ECRG4: variants seen among roughly 807,000 people sequenced by gnomAD.
The protein encoded by ECRG4 is augurin.
ECRG4 carries 18 observed loss-of-function variants against 15.8 expected under a neutral mutation model. The observed-to-expected ratio is 1.14, with a 90% CI of 0.79 to 1.69. ECRG4 has a LOEUF of 1.69. Among genes scored for constraint, ECRG4 ranks in the 40% most tolerant of loss-of-function variants. ECRG4 has a pLI of 0.00. For missense variants in ECRG4, 200 were observed against 190.9 expected (o/e 1.05, Z -0.28); for synonymous variants, 82 against 73.9 (o/e 1.11, Z -0.56).
intron 3 of ECRG4, among the ~76,000 whole-genome samples, chr2:106,076,605 G>A (rs1676492176): frequency 6.6e-6 from 1 of 152,142 alleles, no homozygotes; most frequent in African/African-American, 2.4e-5. Flanking sequence ...ACAGACACGG[G>A]CTAGGCTGGG....
At chr2:106,075,155 T>C (rs1304239054) in intron 3 of ECRG4, among the ~76,000 whole-genome samples, 1 of 152,212 alleles carries the variant, frequency 6.6e-6, no homozygotes, top group Non-Finnish European at 1.5e-5. Context: ...TTTGCATCTC[T>C]GTACAGTTTG....
At chr2:106,071,383 A>T (rs11884811) in intron 1 of ECRG4, among the ~76,000 whole-genome samples, 36,847 of 148,292 alleles carry the variant, frequency 0.25, 4,691 homozygotes, top group Non-Finnish European at 0.3. Flanking sequence ...AAATAAAAAA[A>T]AAATAAAAAT....
intron 3 of ECRG4, among the ~76,000 whole-genome samples, chr2:106,076,867 C>G (rs1239289518): frequency 1.3e-5 from 2 of 152,158 alleles, no homozygotes; most frequent in African/African-American, 4.8e-5. Flanking sequence ...CCTTTTTGCT[C>G]TCACACTAAA....
intron 2 of ECRG4, 93 bp downstream of exon 2, chr2:106,071,984 G>A (rs1425688536): frequency 2.7e-6 from 3 of 1,124,352 alleles, no homozygotes; most frequent in Non-Finnish European, 2.7e-6. Context: ...CTTGTATTTG[G>A]AAAATCAAAA....
At chr2:106,074,996 T>C (rs1302808026) in intron 3 of ECRG4, among the ~76,000 whole-genome samples, 2 of 152,206 alleles carry the variant, frequency 1.3e-5, no homozygotes, top group African/African-American at 4.8e-5. Flanking sequence ...ATATTACTTG[T>C]TCCCTAAGTG....
chr2:106,073,069 A>T (rs1676406343), intron 2 of ECRG4, among the ~76,000 whole-genome samples: 1 of 152,206 alleles, frequency 6.6e-6, no homozygotes, highest in Admixed American at 6.5e-5. Context: ...CCAGGCCTGC[A>T]TTTCCATGAT....
chr2:106,068,702 G>A (rs1676276088), intron 1 of ECRG4, among the ~76,000 whole-genome samples: 1 of 152,204 alleles, frequency 6.6e-6, no homozygotes, highest in Non-Finnish European at 1.5e-5. Context: ...AATTCTGTAT[G>A]TACTACCCTG....
At position 106,071,322 on chromosome 2, in the gene ECRG4, T is replaced by TAAAAAAAAAAA. The variant is rs10649647; in HGVS notation, c.80-502_80-492dup. 2.8e-3 allele frequency among the ~76,000 whole-genome samples: 219 copies of TAAAAAAAAAAA among 78,298 alleles called. 5 individuals are homozygous for TAAAAAAAAAAA. Among genetic ancestry groups the TAAAAAAAAAAA allele is most frequent in the African/African-American group, 7.6e-3 (128 of 16,840 alleles). 51.4% of individuals were successfully genotyped at this position (78,298 alleles called of 152,430 possible). On this transcript the variant is annotated intron_variant, in intron 1 of 3. Coordinates refer to ENST00000238044, the MANE Select transcript of ECRG4 (RefSeq NM_032411.3). The stretch of plus-strand genomic sequence containing the variant: ...ACCCTCTCAGTGATGGGTAAGGCTG[T>TAAAAAAAAAAA]AAAAAAAAAAAAAAAAAAAAAAAAA...
At position 106,065,762 on chromosome 2, in the gene ECRG4, G is replaced by T. The variant is rs1452418485; in HGVS notation, c.-3G>T. On this transcript the variant is annotated 5_prime_UTR_variant, in exon 1 of 4. Coordinates refer to ENST00000238044, the MANE Select transcript of ECRG4 (RefSeq NM_032411.3). The stretch of plus-strand genomic sequence containing the variant: ...CTCGCCCTCCTGCTCGCGCCCCGCC[G>T]CCATGGCTGCCTCCCCCGCGCGGCC... 6.8e-7 allele frequency: 1 copy of T among 1,479,366 alleles called. No individual in the cohort carries two copies. The highest frequency in any genetic ancestry group is 1.3e-5 in the South Asian group (1 of 77,572). The allele number at this position is 1,479,366 out of a possible 1,614,324, so 91.6% of individuals were successfully genotyped here.
chr2:106,076,834 C>G (rs1676496836), intron 3 of ECRG4, among the ~76,000 whole-genome samples: 1 of 152,176 alleles, frequency 6.6e-6, no homozygotes, highest in Non-Finnish European at 1.5e-5. Context: ...ACCCGTTCAC[C>G]CAGCCCATCT....
At chr2:106,069,531 C>T (rs2104792691) in intron 1 of ECRG4, among the ~76,000 whole-genome samples, 1 of 152,222 alleles carries the variant, frequency 6.6e-6, no homozygotes. Context: ...GACGGGGTTT[C>T]ACCAAGTTGA....
In ECRG4 at chr2:106,071,742, G is replaced by A. The variant is rs1413244965; in HGVS notation, c.80-102G>A. On this transcript the variant is annotated intron_variant, in intron 1 of 3. Transcript: ENST00000238044. ...TGATGTTACCAAGTTGCCAAATCAA[G>A]GCAGGGGCCCGCAGTTCTTTTCTCC... 12 of 897,010 alleles carry A rather than the reference G, an allele frequency of 1.3e-5. No homozygotes were observed. In the East Asian group the frequency reaches 1.6e-4, roughly 12 times the overall value. 55.6% of individuals were successfully genotyped at this position (897,010 alleles called of 1,614,324 possible).
At chr2:106,065,894 C>T (rs1418600962) in intron 1 of ECRG4, 51 bp downstream of exon 1, 2 of 1,423,508 alleles carry the variant, frequency 1.4e-6, no homozygotes, top group Non-Finnish European at 1.8e-6. Flanking sequence ...GGGTTGGCCC[C>T]ATGTGGCGCT....
chr2:106,069,746 G>A (rs888500817), intron 1 of ECRG4, among the ~76,000 whole-genome samples: 5 of 152,108 alleles, frequency 3.3e-5, no homozygotes, highest in African/African-American at 9.7e-5. Flanking sequence ...CCACAACTCC[G>A]GTTTTTCTAT....
chr2:106,072,394 T>TG (rs11390536), intron 2 of ECRG4: 9,135 of 153,292 alleles, frequency 0.06, 400 homozygotes, highest in East Asian at 0.17. Context: ...TTGAACAGTC[T>TG]GGGGGTCACA....
intron 1 of ECRG4, among the ~76,000 whole-genome samples, chr2:106,071,514 A>G (rs1041317654): frequency 7.2e-5 from 11 of 152,194 alleles, no homozygotes. Flanking sequence ...GTATTACACC[A>G]TGAAGTGAAA....
chr2:106,068,509 A>G lies in ECRG4; in HGVS notation c.79+2666A>G, dbSNP rs565827281. On this transcript the variant is annotated intron_variant, in intron 1 of 3. Coordinates refer to ENST00000238044, the MANE Select transcript of ECRG4 (RefSeq NM_032411.3). ...ATTTGGGACTTATTTGTGCTTTTCC[A>G]TCTATAGCTAAGGTTTGGCGAGGCT... Among the ~76,000 whole-genome samples the G allele has an allele frequency of 7.2e-5, 11 of 152,288 alleles. No individual in the cohort carries two copies. The South Asian group carries it at 2.3e-3, about 32-fold the overall frequency.
In ECRG4 at chr2:106,078,005, T is replaced by C; in HGVS notation, c.*79T>C. The C allele has an allele frequency of 7.3e-7, 1 of 1,378,908 alleles. No individual in the cohort carries two copies. The highest frequency in any genetic ancestry group is 9.7e-7 in the Non-Finnish European group (1 of 1,027,306). 85.4% of individuals were successfully genotyped at this position (1,378,908 alleles called of 1,614,324 possible). A position where few individuals can be genotyped will look rare whatever the true frequency, so the allele number is the denominator to read the frequency against. On this transcript the variant is annotated 3_prime_UTR_variant, in exon 4 of 4. Coordinates refer to ENST00000238044, the MANE Select transcript of ECRG4 (RefSeq NM_032411.3). ...CTCCTAATGCCTTACACTACTTGGT[T>C]TCTGATTTGCTCTATTTCAGCAGAT...
chr2:106,075,939 T>G (rs980211505), intron 3 of ECRG4, among the ~76,000 whole-genome samples: 1 of 152,222 alleles, frequency 6.6e-6, no homozygotes, highest in African/African-American at 2.4e-5. Context: ...TTTTAAAATC[T>G]TAATCTATAT....
Sources: gnomAD v4.1 joint callset for allele counts (sites outside exome capture counted in the v4.1 genomes callset) on GRCh38, gnomAD v4.1.1 for gene constraint, MANE v1.5 for transcripts, NCBI Gene and HGNC (gene_info 2026-07-23, HGNC 2026-07-21) for gene names.